Variants in SCML2 observed in about 807,000 individuals in gnomAD.
SCML2 encodes the protein Scm polycomb group protein like 2.
Under a neutral mutation model 48.4 loss-of-function variants are expected in SCML2, and 6 were observed. The observed-to-expected ratio is 0.12, with a 90% CI of 0.07 to 0.24. The LOEUF is 0.24. SCML2 is among the 10% of genes least tolerant of loss of function. The pLI is 1.00. For missense variants in SCML2, 377 were observed against 528.2 expected, an observed-to-expected ratio of 0.71 and a Z score of 2.81; for synonymous variants, 181 against 189.5, an observed-to-expected ratio of 0.95 and a Z score of 0.37.
At chrX:18,246,478 A>T in intron 13 of SCML2, 99 bp downstream of exon 13, 1 of 963,276 alleles carries the variant, frequency 1.0e-6, no homozygotes, top group Non-Finnish European at 1.4e-6. Context: ...CCCAAATTTT[A>T]GCACTTTCTC....
At chrX:18,260,036 G>A (rs1158125291) in intron 9 of SCML2, 135 bp downstream of exon 9, 1 of 436,001 alleles carries the variant, frequency 2.3e-6, no homozygotes, top group Non-Finnish European at 3.5e-6. Flanking sequence ...ACTTTAATAT[G>A]AAAAATGCAA....
Position 18,285,050 on chromosome X carries a change from A to AC in SCML2, c.731-19249_731-19248insG, listed in dbSNP as rs1434590799. 1.6e-4 allele frequency among the ~76,000 whole-genome samples: 18 copies of AC among 110,712 alleles called. 1 individual carries two copies. Among genetic ancestry groups the AC allele is most frequent in the Admixed American group, 1.3e-3 (14 of 10,407 alleles). On this transcript the variant is annotated intron_variant, in intron 7 of 14. Coordinates refer to ENST00000251900, the MANE Select transcript of SCML2 (RefSeq NM_006089.3). ...AGCGCAACTCCGCCTCAAAAAAAAA[A>AC]AAAAAAACAGATGTTGGCAAGGCTG... is the stretch of plus-strand genomic sequence containing the variant.
At chrX:18,313,870 T>C (rs944321108) in intron 6 of SCML2, among the ~76,000 whole-genome samples, 2 of 111,844 alleles carry the variant, frequency 1.8e-5, no homozygotes, top group African/African-American at 3.3e-5. Flanking sequence ...GTTGTTGTTT[T>C]GTTTTGTTTT....
intron 7 of SCML2, among the ~76,000 whole-genome samples, chrX:18,273,176 T>C (rs1354253547): frequency 1.8e-5 from 2 of 111,507 alleles, no homozygotes; most frequent in South Asian, 3.8e-4. Flanking sequence ...TTCCTCATGA[T>C]TGACTGCCTT....
At position 18,240,599 on chromosome X, in the gene SCML2, A is replaced by T. The variant is rs967757442; in HGVS notation, c.*652T>A. On this transcript the variant is annotated 3_prime_UTR_variant, in exon 15 of 15. Coordinates refer to ENST00000251900, the MANE Select transcript of SCML2 (RefSeq NM_006089.3). The stretch of plus-strand genomic sequence containing the variant: ...TTAAAAAATTTATCAAAAACTGGTA[A>T]GAACACTTCATGAAAGCTTATAAGC... 2 of 112,525 alleles carry T rather than the reference A, an allele frequency of 1.8e-5. No homozygotes were observed. The highest frequency in any genetic ancestry group is 6.5e-5 in the African/African-American group (2 of 31,007). 9.3% of individuals were successfully genotyped at this position (112,525 alleles called of 1,213,427 possible).
chrX:18,354,757 C>T (rs1343129163), upstream of SCML2: 6 of 192,437 alleles, frequency 3.1e-5, no homozygotes, highest in Non-Finnish European at 5.8e-5. Context: ...CCCGCGTGCC[C>T]TGCGGTTGCC....
rs1165440491 is a variant in SCML2, at chrX:18,241,377, T to C, written c.1977A>G (p.Glu659=). 1 of 1,138,971 alleles carries C rather than the reference T, an allele frequency of 8.8e-7. No individual in the cohort carries two copies. The highest frequency in any genetic ancestry group is 2.7e-5 in the Admixed American group (1 of 36,664). 93.9% of individuals were successfully genotyped at this position (1,138,971 alleles called of 1,213,427 possible). The change falls in exon 15 of 15, where the codon GAA becomes GAG. Residue 659 remains glutamate (E), a splice_region_variant and synonymous_variant. Transcript: ENST00000251900. ...GPLADLFRQH[E]IDGKALFLLK... Reference sequence around the variant, plus strand: ...GTAGGAACAGAGCCTTCCCATCAATTTCCTACAGAGAGAAGGAAATCATAA... The same window carrying C: ...GTAGGAACAGAGCCTTCCCATCAATCTCCTACAGAGAGAAGGAAATCATAA...
intron 7 of SCML2, among the ~76,000 whole-genome samples, chrX:18,280,218 TAAAGA>T (rs899066918): frequency 5.4e-5 from 6 of 111,482 alleles, no homozygotes; most frequent in African/African-American, 2.0e-4. Flanking sequence ...TCAGTGTCCT[TAAAGA>T]AAAGAAATTC....
At chrX:18,350,436 C>A in intron 1 of SCML2, among the ~76,000 whole-genome samples, 1 of 110,496 alleles carries the variant, frequency 9.1e-6, no homozygotes. Context: ...ATTAGCCAGG[C>A]TCGGTGGCGC....
chrX:18,246,281 TTG>T (rs1926442526), intron 13 of SCML2, among the ~76,000 whole-genome samples: 1 of 111,957 alleles, frequency 8.9e-6, no homozygotes, highest in African/African-American at 3.3e-5. Context: ...CATGAGAGGT[TTG>T]TGAGTCCAGA....
chrX:18,240,774 A>G lies in SCML2; in HGVS notation c.*477T>C, dbSNP rs1386697020. The G allele has an allele frequency of 3.5e-5, 4 of 113,044 alleles. No homozygotes were observed. The highest frequency in any genetic ancestry group is 2.8e-4 in the East Asian group (1 of 3,593). The allele number at this position is 113,044 out of a possible 1,213,427, so 9.3% of individuals were successfully genotyped here. A position where few individuals can be genotyped will look rare whatever the true frequency, so the allele number is the denominator to read the frequency against. On this transcript the variant is annotated 3_prime_UTR_variant, in exon 15 of 15. Transcript: ENST00000251900. ...CACACAAAATATCTGAGAAAAGATG[A>G]TATCTACAGGTGCACCTTTAAATTC...
chrX:18,256,860 T>C lies in SCML2; in HGVS notation c.1444A>G (p.Lys482Glu). ...CATTTTCTCTCACCTGACTGATTTT[T>C]ATCATGCTCTGCAGAGCTGTGAGTA... is the stretch of plus-strand genomic sequence containing the variant. ...GHTHSSAEHD[K>E]NQSAKEDVTE... The change falls in exon 11 of 15, where the codon AAA becomes GAA. Residue 482 changes from lysine (K) to glutamate (E), a missense_variant. By Grantham distance (56) the Lys-to-Glu change is moderately conservative. Coordinates refer to ENST00000251900, the MANE Select transcript of SCML2 (RefSeq NM_006089.3). The C allele has an allele frequency of 6.8e-6, 8 of 1,181,217 alleles. No individual in the cohort carries two copies. Among genetic ancestry groups the C allele is most frequent in the Non-Finnish European group, 9.0e-6 (8 of 884,003 alleles).
At chrX:18,342,737 A>G (rs1930058185) in intron 1 of SCML2, among the ~76,000 whole-genome samples, 1 of 111,447 alleles carries the variant, frequency 9.0e-6, no homozygotes, top group Admixed American at 9.6e-5. Context: ...GACTACAGTT[A>G]TACTAAATCT....
chrX:18,296,180 C>T (rs766069821), intron 7 of SCML2, among the ~76,000 whole-genome samples: 1 of 110,419 alleles, frequency 9.1e-6, no homozygotes, highest in East Asian at 2.9e-4. Flanking sequence ...CGGTGAGATA[C>T]AAGAGAACAC....
At chrX:18,265,503 T>C in intron 8 of SCML2, 82 bp downstream of exon 8, 1 of 751,441 alleles carries the variant, frequency 1.3e-6, no homozygotes, top group Non-Finnish European at 2.0e-6. Context: ...ATCATACTCT[T>C]AGTAAATTCC....
chrX:18,277,590 T>C (rs1421140489), intron 7 of SCML2, among the ~76,000 whole-genome samples: 1 of 111,913 alleles, frequency 8.9e-6, no homozygotes, highest in African/African-American at 3.2e-5. Flanking sequence ...AAGCTTATGC[T>C]CTTTGTTTAA....
chrX:18,328,250 T>A, intron 3 of SCML2, among the ~76,000 whole-genome samples: 1 of 111,664 alleles, frequency 9.0e-6, no homozygotes, highest in South Asian at 3.7e-4. Flanking sequence ...TCCCTTGCTA[T>A]GTGAAGATGG....
At chrX:18,241,860 G>C (rs1460094555) in intron 14 of SCML2, among the ~76,000 whole-genome samples, 1 of 111,929 alleles carries the variant, frequency 8.9e-6, no homozygotes, top group Non-Finnish European at 1.9e-5. Flanking sequence ...ATTTTCTTGC[G>C]ATAGTGAAAA....
Position 18,265,758 on chromosome X carries a change from C to T in SCML2, c.775G>A (p.Glu259Lys), listed in dbSNP as rs774987849. 3.0e-5 allele frequency: 36 copies of T among 1,207,649 alleles called. No homozygotes were observed. Among genetic ancestry groups the T allele is most frequent in the Non-Finnish European group, 3.4e-5 (30 of 894,038 alleles). The change falls in exon 8 of 15, where the codon GAA (glutamate) becomes AAA (lysine). Residue 259 changes from glutamate to lysine, a missense_variant. By Grantham distance (56) the Glu-to-Lys change is moderately conservative. Coordinates refer to ENST00000251900, the MANE Select transcript of SCML2 (RefSeq NM_006089.3). ...GACTGCATTGAATGCTGGCTTGCTT[C>T]GGAAGGAGAAGACTCTGTTTTTGCT... ...NIAKTESSPS[E>K]ASQHSMQSPQ...
Sources: gnomAD v4.1 joint callset for allele counts (sites outside exome capture counted in the v4.1 genomes callset) on GRCh38, gnomAD v4.1.1 for gene constraint, MANE v1.5 for transcripts, NCBI Gene and HGNC (gene_info 2026-07-23, HGNC 2026-07-21) for gene names.